The following CTNNA2 variants were observed in gnomAD, a reference collection of about 807,000 sequenced individuals.
The protein encoded by CTNNA2 is catenin alpha 2.
Under a neutral mutation model 101.0 loss-of-function variants are expected in CTNNA2, and 42 were observed. That is an observed-to-expected ratio of 0.42 (90% CI 0.32 to 0.54). The LOEUF (loss-of-function observed/expected upper bound fraction) is 0.54, where lower values mean the gene tolerates loss of function less well. Among genes scored for constraint, CTNNA2 ranks in the 20% least tolerant of loss-of-function variants. CTNNA2 has a pLI of 0.14. For missense variants in CTNNA2, 871 were observed against 1,223.1 expected (o/e 0.71, Z 4.29); for synonymous variants, 450 against 456.4 (o/e 0.99, Z 0.18).
intron 7 of CTNNA2, among the ~76,000 whole-genome samples, chr2:79,957,702 A>C (rs140129515): frequency 1.3e-5 from 2 of 152,294 alleles, no homozygotes; most frequent in African/African-American, 2.4e-5. Context: ...CTGGATTCTC[A>C]TTCCTGTCAG....
chr2:80,602,570 C>T (rs1299536825), intron 15 of CTNNA2, among the ~76,000 whole-genome samples: 1 of 151,862 alleles, frequency 6.6e-6, no homozygotes, highest in Non-Finnish European at 1.5e-5. Flanking sequence ...AAGAAATATG[C>T]AATAATGAGA....
chr2:79,707,786 A>G (rs540615140), intron 2 of CTNNA2, among the ~76,000 whole-genome samples: 1 of 152,330 alleles, frequency 6.6e-6, no homozygotes, highest in East Asian at 1.9e-4. Context: ...AGGTCGTGGA[A>G]ATAGATATCT....
intron 2 of CTNNA2, among the ~76,000 whole-genome samples, chr2:79,698,139 T>G (rs1684762548): frequency 6.6e-6 from 1 of 152,080 alleles, no homozygotes; most frequent in Admixed American, 6.6e-5. Flanking sequence ...GTATATTTTA[T>G]ATTTTAAGCA....
chr2:80,240,012 T>C lies in CTNNA2; in HGVS notation c.1057-153199T>C, dbSNP rs181640045. Among the ~76,000 whole-genome samples the C allele has an allele frequency of 2.6e-5, 4 of 152,322 alleles. No individual in the cohort carries two copies. In the East Asian group the frequency reaches 7.7e-4, roughly 29 times the overall value. On this transcript the variant is annotated intron_variant, in intron 7 of 18. Transcript: ENST00000402739. ...TTTATTTCTGAAATTTTCCATTTCA[T>C]GTCATTGAACCATGGTTGCCCACAG...
At chr2:79,495,457 A>G (rs2104568698) in intron 4 of CTNNA2, among the ~76,000 whole-genome samples, 1 of 152,354 alleles carries the variant, frequency 6.6e-6, no homozygotes, top group South Asian at 2.1e-4. Flanking sequence ...ATAATCAAAA[A>G]TAAAAATAAT....
chr2:79,485,960 C>A (rs1671153094), intron 4 of CTNNA2, among the ~76,000 whole-genome samples: 1 of 151,990 alleles, frequency 6.6e-6, no homozygotes, highest in African/African-American at 2.4e-5. Context: ...TTTGGATGAC[C>A]ATCGTGTAAG....
intron 7 of CTNNA2, among the ~76,000 whole-genome samples, chr2:79,988,614 G>T (rs2103880245): frequency 6.6e-6 from 1 of 152,192 alleles, no homozygotes; most frequent in African/African-American, 2.4e-5. Context: ...ATACTTGCAA[G>T]AGCTTATTTT....
At chr2:80,431,936 G>A (rs1003835294) in intron 9 of CTNNA2, among the ~76,000 whole-genome samples, 4 of 151,512 alleles carry the variant, frequency 2.6e-5, no homozygotes, top group Non-Finnish European at 5.9e-5. Context: ...AGGCACATTA[G>A]TGCCTGTTGG....
intron 2 of CTNNA2, among the ~76,000 whole-genome samples, chr2:79,707,700 A>G (rs1685474594): frequency 6.6e-6 from 1 of 152,188 alleles, no homozygotes; most frequent in Non-Finnish European, 1.5e-5. Flanking sequence ...TGCTTTGTCT[A>G]CACATTACTT....
At chr2:79,469,298 C>T (rs1352485365) in intron 4 of CTNNA2, among the ~76,000 whole-genome samples, 2 of 152,002 alleles carry the variant, frequency 1.3e-5, no homozygotes, top group African/African-American at 2.4e-5. Flanking sequence ...ATACATTCCT[C>T]GACACATACA....
intron 6 of CTNNA2, among the ~76,000 whole-genome samples, chr2:79,889,855 C>T (rs1197940750): frequency 6.6e-6 from 1 of 152,132 alleles, no homozygotes; most frequent in African/African-American, 2.4e-5. Context: ...ATTTGCTCTC[C>T]CTTGCCTATA....
intron 12 of CTNNA2, among the ~76,000 whole-genome samples, chr2:80,559,016 C>T (rs1693311787): frequency 6.6e-6 from 1 of 152,038 alleles, no homozygotes; most frequent in African/African-American, 2.4e-5. Context: ...TCCCTGGACT[C>T]CACCTGCTAA....
At chr2:80,501,966 G>A (rs1687914590) in intron 9 of CTNNA2, among the ~76,000 whole-genome samples, 1 of 152,120 alleles carries the variant, frequency 6.6e-6, no homozygotes, top group Admixed American at 6.5e-5. Context: ...GTTGGTTTCT[G>A]TAAAACTCTC....
intron 7 of CTNNA2, among the ~76,000 whole-genome samples, chr2:79,932,138 C>G (rs1018259194): frequency 6.6e-6 from 1 of 152,150 alleles, no homozygotes; most frequent in Non-Finnish European, 1.5e-5. Flanking sequence ...AGTGGAGCAA[C>G]TCTTACTGTT....
chr2:80,515,642 CT>C (rs1689053964), intron 9 of CTNNA2, among the ~76,000 whole-genome samples: 1 of 152,164 alleles, frequency 6.6e-6, no homozygotes. Context: ...TTAAAAGAAA[CT>C]TTTGTTACAT....
intron 1 of CTNNA2, among the ~76,000 whole-genome samples, chr2:79,621,600 A>T (rs1312119275): frequency 6.6e-6 from 1 of 152,186 alleles, no homozygotes; most frequent in Admixed American, 6.5e-5. Flanking sequence ...GTGATTGAAT[A>T]AATAAATAAA....
intron 2 of CTNNA2, among the ~76,000 whole-genome samples, chr2:79,221,805 T>C (rs1052468984): frequency 2.6e-5 from 4 of 152,078 alleles, no homozygotes; most frequent in African/African-American, 9.7e-5. Context: ...TGAGAAAAGG[T>C]GCCAGGAAAT....
intron 4 of CTNNA2, among the ~76,000 whole-genome samples, chr2:79,426,255 G>A (rs940322404): frequency 5.3e-5 from 8 of 152,126 alleles, no homozygotes; most frequent in Admixed American, 5.2e-4. Flanking sequence ...TTATCAAACT[G>A]AGTTGTGATG....
intron 2 of CTNNA2, among the ~76,000 whole-genome samples, chr2:79,670,713 A>AGTG: frequency 6.6e-6 from 1 of 152,292 alleles, no homozygotes; most frequent in South Asian, 2.1e-4. Flanking sequence ...ATATCATCAC[A>AGTG]GTGGTTCTGG....
Sources: allele counts gnomAD v4.1 joint callset (sites outside exome capture counted in the v4.1 genomes callset), GRCh38; gene constraint gnomAD v4.1.1; transcripts MANE v1.5; gene names NCBI Gene and HGNC (gene_info 2026-07-23, HGNC 2026-07-21).